Variants in EPB41L2 observed in about 807,000 individuals in gnomAD.
EPB41L2 encodes erythrocyte membrane protein band 4.1 like 2.
EPB41L2 carries 43 observed loss-of-function variants against 113.0 expected under a neutral mutation model. The ratio of observed to expected loss-of-function variants is 0.38; its 90% confidence interval spans 0.30 to 0.49. The LOEUF (loss-of-function observed/expected upper bound fraction) is 0.49. Ranked by LOEUF, EPB41L2 falls within the 20% of genes least tolerant of loss-of-function variation. The probability of loss-of-function intolerance (pLI) is 0.95; values close to 1 mark genes in which losing one functional copy is unlikely to be tolerated. For missense variants in EPB41L2, 1,147 were observed against 1,223.4 expected, an observed-to-expected ratio of 0.94 and a Z score of 0.93; for synonymous variants, 442 against 436.7, an observed-to-expected ratio of 1.01 and a Z score of -0.15.
chr6:130,989,732 C>T (rs1479815690), intron 1 of EPB41L2, among the ~76,000 whole-genome samples: 2 of 152,116 alleles, frequency 1.3e-5, no homozygotes, highest in Admixed American at 1.3e-4. Flanking sequence ...TAAAACTAGG[C>T]CCTGAGTGAG....
intron 19 of EPB41L2, among the ~76,000 whole-genome samples, chr6:130,841,692 T>C (rs1362359899): frequency 6.6e-6 from 1 of 152,038 alleles, no homozygotes; most frequent in Non-Finnish European, 1.5e-5. Context: ...GAAGTAAGTA[T>C]AAGACAGGAT....
At chr6:131,060,120 T>A (rs1798370936) in intron 1 of EPB41L2, among the ~76,000 whole-genome samples, 1 of 152,226 alleles carries the variant, frequency 6.6e-6, no homozygotes. Context: ...AAGGCCCATG[T>A]CTTCAGCTGG....
chr6:130,960,127 T>A (rs767906242), intron 1 of EPB41L2, among the ~76,000 whole-genome samples: 2 of 152,168 alleles, frequency 1.3e-5, no homozygotes, highest in Non-Finnish European at 2.9e-5. Context: ...TAGTCACTTA[T>A]CCAAAGCCAC....
At chr6:130,955,392 T>G in intron 2 of EPB41L2, 75 bp from the exon 3 acceptor site, 1 of 1,368,460 alleles carries the variant, frequency 7.3e-7, no homozygotes, top group Non-Finnish European at 1.0e-6. Flanking sequence ...AAGGAAAATC[T>G]TTCATAAGAA....
chr6:131,033,110 G>A (rs561792995), intron 1 of EPB41L2, among the ~76,000 whole-genome samples: 35 of 152,072 alleles, frequency 2.3e-4, no homozygotes, highest in Non-Finnish European at 3.7e-4. Context: ...TCCTGACCTC[G>A]TGATTCATCT....
chr6:130,851,597 C>G (rs534642237), intron 19 of EPB41L2, among the ~76,000 whole-genome samples: 12 of 152,288 alleles, frequency 7.9e-5, no homozygotes, highest in East Asian at 3.9e-4. Flanking sequence ...CATGGAAGAG[C>G]AAAAGGTCCT....
At chr6:130,938,590 C>G (rs575899076) in intron 3 of EPB41L2, among the ~76,000 whole-genome samples, 2 of 152,138 alleles carry the variant, frequency 1.3e-5, no homozygotes, top group Admixed American at 1.3e-4. Flanking sequence ...CTGAACCGTG[C>G]CTTTCAAAAA....
chr6:130,940,135 T>C (rs1057090528), intron 3 of EPB41L2, among the ~76,000 whole-genome samples: 2 of 152,314 alleles, frequency 1.3e-5, no homozygotes, highest in Admixed American at 6.5e-5. Flanking sequence ...CACTTCTCCA[T>C]AGATTTAGCA....
chr6:130,856,468 T>C (rs1471654177), intron 19 of EPB41L2, among the ~76,000 whole-genome samples: 1 of 152,234 alleles, frequency 6.6e-6, no homozygotes, highest in African/African-American at 2.4e-5. Context: ...AAAACAAGAA[T>C]GGCTAATAAC....
At chr6:130,891,411 C>CTTTA (rs1368146930) in intron 10 of EPB41L2, among the ~76,000 whole-genome samples, 5 of 129,846 alleles carry the variant, frequency 3.9e-5, no homozygotes, top group South Asian at 5.6e-4. Context: ...AGGGTGTCAG[C>CTTTA]TTTATTTATT....
intron 4 of EPB41L2, among the ~76,000 whole-genome samples, chr6:130,919,322 T>C (rs1385244391): frequency 6.6e-6 from 1 of 152,124 alleles, no homozygotes; most frequent in Admixed American, 6.5e-5. Context: ...CCCAAACAAA[T>C]GTACCTTTAT....
chr6:130,885,358 A>G, intron 11 of EPB41L2, 90 bp from the exon 12 acceptor site: 1 of 1,249,056 alleles, frequency 8.0e-7, no homozygotes, highest in Non-Finnish European at 1.2e-6. Context: ...ATAAACAGGC[A>G]GCATATAAAT....
rs1010658204 is a variant in EPB41L2, at chr6:131,023,762, T to G, written c.-15+39393A>C. On this transcript the variant is annotated intron_variant, in intron 1 of 19. Transcript: ENST00000337057. ...ATCTATATATCTATATATAGATATA[T>G]AGATATATAGATATATAGATATATA... Among the ~76,000 whole-genome samples, 25 of 79,664 alleles carry G rather than the reference T, an allele frequency of 3.1e-4. 1 individual carries two copies. The highest frequency in any genetic ancestry group is 1.4e-3 in the African/African-American group (25 of 18,394). The allele number at this position is 79,664 out of a possible 152,430, so 52.3% of individuals were successfully genotyped here.
chr6:130,991,220 T>C (rs1342693541), intron 1 of EPB41L2, among the ~76,000 whole-genome samples: 2 of 152,180 alleles, frequency 1.3e-5, no homozygotes, highest in East Asian at 3.9e-4. Context: ...TTTTCTACCC[T>C]GATTTCCACT....
intron 3 of EPB41L2, among the ~76,000 whole-genome samples, chr6:130,934,793 TTTC>T (rs1403738120): frequency 7.4e-6 from 1 of 135,554 alleles, no homozygotes; most frequent in Non-Finnish European, 1.5e-5. Flanking sequence ...TTCTTTTTGT[TTTC>T]TTTTTTTTTT....
At chr6:130,987,994 T>C (rs577509196) in intron 1 of EPB41L2, among the ~76,000 whole-genome samples, 1 of 152,144 alleles carries the variant, frequency 6.6e-6, no homozygotes, top group East Asian at 1.9e-4. Flanking sequence ...TACATGCCTG[T>C]GGTCCCAGCT....
chr6:130,986,876 A>G (rs543249455), intron 1 of EPB41L2, among the ~76,000 whole-genome samples: 1 of 152,222 alleles, frequency 6.6e-6, no homozygotes, highest in Non-Finnish European at 1.5e-5. Flanking sequence ...TAAAGAAAAA[A>G]GAAACCTCAT....
chr6:130,962,171 A>C (rs1323998897), intron 1 of EPB41L2, among the ~76,000 whole-genome samples: 5 of 152,182 alleles, frequency 3.3e-5, no homozygotes, highest in Non-Finnish European at 7.3e-5. Context: ...ACAAATGTAG[A>C]AATGATTCAG....
chr6:130,984,649 G>GTAAC (rs1170305565), intron 1 of EPB41L2, among the ~76,000 whole-genome samples: 3 of 152,150 alleles, frequency 2.0e-5, no homozygotes, highest in Admixed American at 2.0e-4. Context: ...TAAACTCGAG[G>GTAAC]TAACTGTAAA....
Sources: gnomAD v4.1 joint callset for allele counts (sites outside exome capture counted in the v4.1 genomes callset) on GRCh38, gnomAD v4.1.1 for gene constraint, MANE v1.5 for transcripts, NCBI Gene and HGNC (gene_info 2026-07-23, HGNC 2026-07-21) for gene names.